The following SPTBN1 variants were observed in gnomAD, a reference collection of about 807,000 sequenced individuals.
The protein encoded by SPTBN1 is spectrin beta chain, non-erythrocytic 1.
In SPTBN1, 32 loss-of-function variants were observed where a neutral mutation model predicts 266.4. The observed-to-expected ratio is 0.12, with a 90% CI of 0.09 to 0.16. SPTBN1 has a LOEUF of 0.16. SPTBN1 is among the 10% of genes least tolerant of loss of function. The probability of loss-of-function intolerance (pLI) is 1.00; values close to 1 mark genes in which losing one functional copy is unlikely to be tolerated. For synonymous variants in SPTBN1, 1,336 were observed against 1,162.2 expected, an observed-to-expected ratio of 1.15 and a Z score of -3.04; for missense variants, 2,296 against 3,067.1, an observed-to-expected ratio of 0.75 and a Z score of 5.94.
At chr2:54,616,780 A>G (rs1165290491) in intron 5 of SPTBN1, among the ~76,000 whole-genome samples, 2 of 152,116 alleles carry the variant, frequency 1.3e-5, no homozygotes, top group East Asian at 3.8e-4. Context: ...GTTGCTTACT[A>G]TTGTTAGGAC....
At chr2:54,574,648 T>C (rs1674334044) in intron 2 of SPTBN1, among the ~76,000 whole-genome samples, 1 of 152,112 alleles carries the variant, frequency 6.6e-6, no homozygotes, top group South Asian at 2.1e-4. Flanking sequence ...GTGTTTAGAA[T>C]GGGTCATGCT....
intron 1 of SPTBN1, among the ~76,000 whole-genome samples, chr2:54,484,855 A>G (rs1278991213): frequency 6.6e-6 from 1 of 152,224 alleles, no homozygotes; most frequent in Non-Finnish European, 1.5e-5. Context: ...CAAAAATGAC[A>G]AGTTTGATAA....
chr2:54,570,939 C>T (rs978917800), intron 2 of SPTBN1, among the ~76,000 whole-genome samples: 1 of 152,076 alleles, frequency 6.6e-6, no homozygotes, highest in South Asian at 2.1e-4. Context: ...AAGTCTAGTG[C>T]AAAGTGTGTT....
intron 2 of SPTBN1, among the ~76,000 whole-genome samples, chr2:54,547,611 T>C (rs1350600279): frequency 6.6e-6 from 1 of 152,236 alleles, no homozygotes; most frequent in Non-Finnish European, 1.5e-5. Context: ...CCATATCCTT[T>C]ACTGAAGCTT....
In SPTBN1 at chr2:54,492,338, G is replaced by GGTTTTT. The variant is rs1558775035; in HGVS notation, c.-47-34034_-47-34033insGTTTTT. ...TTACTGGACATTTAGTTTGTCTGCAGTTGTTTTTTTGTTTTTTTTTTTTTT... is the reference window on the plus strand; with the variant it reads ...TTACTGGACATTTAGTTTGTCTGCAGGTTTTTTTGTTTTTTTGTTTTTTTTTTTTTT... On this transcript the variant is annotated intron_variant, in intron 1 of 35. Transcript: ENST00000356805. Among the ~76,000 whole-genome samples, 22 of 118,112 alleles carry GGTTTTT rather than the reference G, an allele frequency of 1.9e-4. 4 individuals carry two copies. The highest frequency in any genetic ancestry group is 2.4e-4 in the East Asian group (1 of 4,082). 77.5% of individuals were successfully genotyped at this position (118,112 alleles called of 152,430 possible).
chr2:54,518,512 C>A (rs1252118215), intron 1 of SPTBN1, among the ~76,000 whole-genome samples: 1 of 148,694 alleles, frequency 6.7e-6, no homozygotes, highest in South Asian at 2.1e-4. Flanking sequence ...GGCAACTGAA[C>A]AGTTGAGATA....
At chr2:54,612,427 C>G (rs965991744) in intron 4 of SPTBN1, 93 bp downstream of exon 4, 5 of 1,365,646 alleles carry the variant, frequency 3.7e-6, no homozygotes, top group Non-Finnish European at 4.9e-6. Context: ...TCAGAGGGAT[C>G]GGGAAGACCA....
chr2:54,471,800 A>ATTTTTTTTTTTTTTTTTTTT (rs56043354), intron 1 of SPTBN1, among the ~76,000 whole-genome samples: 9 of 102,718 alleles, frequency 8.8e-5, no homozygotes, highest in Non-Finnish European at 1.1e-4. Context: ...TTTTTTATCG[A>ATTTTTTTTTTTTTTTTTTTT]TTTTTTTTTT....
At chr2:54,634,732 T>G (rs1174702085) in intron 17 of SPTBN1, among the ~76,000 whole-genome samples, 2 of 152,208 alleles carry the variant, frequency 1.3e-5, no homozygotes, top group Non-Finnish European at 2.9e-5. Flanking sequence ...GTGAAGCGAT[T>G]CTCCTAGAAT....
intron 2 of SPTBN1, among the ~76,000 whole-genome samples, chr2:54,573,681 A>T (rs1674249557): frequency 1.3e-5 from 2 of 152,316 alleles, no homozygotes; most frequent in South Asian, 4.1e-4. Flanking sequence ...TTGGACTACT[A>T]GGAGACATGG....
At chr2:54,620,427 A>G (rs1010339552) in intron 7 of SPTBN1, among the ~76,000 whole-genome samples, 1 of 152,118 alleles carries the variant, frequency 6.6e-6, no homozygotes, top group East Asian at 1.9e-4. Context: ...AAGGGAAGTC[A>G]TAAGTTAAGG....
At chr2:54,493,135 A>G (rs1027011298) in intron 1 of SPTBN1, among the ~76,000 whole-genome samples, 2 of 148,418 alleles carry the variant, frequency 1.3e-5, no homozygotes, top group East Asian at 4.1e-4. Flanking sequence ...CCTGCTGCGT[A>G]TCTGGGACCA....
In SPTBN1 at chr2:54,462,405, C is replaced by G. The variant is rs193189022; in HGVS notation, c.-48+5887C>G. Among the ~76,000 whole-genome samples the G allele has an allele frequency of 7.3e-3, 1,117 of 152,258 alleles. 14 individuals are homozygous for G. The highest frequency in any genetic ancestry group is 0.03 in the Admixed American group (463 of 15,290). On this transcript the variant is annotated intron_variant, in intron 1 of 35. Coordinates refer to ENST00000356805, the MANE Select transcript of SPTBN1 (RefSeq NM_003128.3). ...CTGAAGAGACCACTTACTAGAAACCCTTATCAGTTTAGGTTCTGGTTCTTG... is the reference window on the plus strand; with the variant it reads ...CTGAAGAGACCACTTACTAGAAACCGTTATCAGTTTAGGTTCTGGTTCTTG...
At chr2:54,606,890 C>A (rs964741390) in intron 3 of SPTBN1, among the ~76,000 whole-genome samples, 1 of 152,214 alleles carries the variant, frequency 6.6e-6, no homozygotes, top group Non-Finnish European at 1.5e-5. Context: ...ACAGCACTTG[C>A]AGAATCAGAG....
chr2:54,527,871 C>T (rs1410450742), intron 2 of SPTBN1: 2 of 152,186 alleles, frequency 1.3e-5, no homozygotes, highest in Non-Finnish European at 2.9e-5. Context: ...AGGATGCACC[C>T]CTTAGAGTGA....
chr2:54,645,386 A>G lies in SPTBN1; in HGVS notation c.4427A>G (p.Glu1476Gly), dbSNP rs966501099. Residue 1476 changes from glutamate (E) to glycine (G), a missense_variant, in exon 21 of 36, where the codon GAG becomes GGG. Around this residue, in one of 12 missense-constraint regions of SPTBN1, gnomAD observed 386 missense variants for 486.1 expected, o/e 0.79. Transcript: ENST00000356805. This position sits in a 1 kb window ranked among gnomAD's most constrained non-coding sequence, Gnocchi z 4.3. ...ATGGAGTTGCTGGAGCCCTTGAACG[A>G]GAGGAAGCATAACCTGCTGGCCTCC... ...KFMELLEPLNERKHNLLASKE... is the reference protein window; with the variant it reads ...KFMELLEPLNGRKHNLLASKE... 6 of 1,614,190 alleles carry G rather than the reference A, an allele frequency of 3.7e-6. No individual in the cohort carries two copies. Among genetic ancestry groups the G allele is most frequent in the Non-Finnish European group, 5.1e-6 (6 of 1,180,034 alleles).
rs1678620173 is a variant in SPTBN1, at chr2:54,629,902, C to G, written c.2680C>G (p.Leu894Val). ...AAATTGCCATTTCAGATTTGAGAGC[C>G]TAGAACCAGAAATGAACAACCAGGC... ...LEVIQHRFES[L>V]EPEMNNQASR... Residue 894 changes from leucine to valine, a missense_variant, in exon 15 of 36, where the codon CTA (leucine) becomes GTA (valine). Leu to Val is a conservative substitution (Grantham distance 32, BLOSUM62 1). Transcript: ENST00000356805. 1 of 1,613,934 alleles carries G rather than the reference C, an allele frequency of 6.2e-7. No homozygotes were observed. The highest frequency in any genetic ancestry group is 8.5e-7 in the Non-Finnish European group (1 of 1,180,044).
At position 54,558,618 on chromosome 2, in the gene SPTBN1, A is replaced by C; in HGVS notation, c.148+32052A>C. On this transcript the variant is annotated intron_variant, in intron 2 of 35. Transcript: ENST00000356805. The surrounding 1 kb of genome is among the most constrained non-coding windows in gnomAD (Gnocchi z 4.6). ...GCGGAGCTAAGGTGGACTCTCTTGCAGCCAACTTCCCATCAGATCACCCTG... is the reference window on the plus strand; with the variant it reads ...GCGGAGCTAAGGTGGACTCTCTTGCCGCCAACTTCCCATCAGATCACCCTG... 6.9e-7 allele frequency: 1 copy of C among 1,441,598 alleles called. No homozygotes were observed. The highest frequency in any genetic ancestry group is 2.7e-5 in the East Asian group (1 of 37,696). 89.3% of individuals were successfully genotyped at this position (1,441,598 alleles called of 1,614,324 possible).
chr2:54,589,095 G>A (rs1675494957), intron 2 of SPTBN1, among the ~76,000 whole-genome samples: 1 of 152,056 alleles, frequency 6.6e-6, no homozygotes, highest in South Asian at 2.1e-4. Context: ...TATACTCTTA[G>A]TTATCTTTAA....
Sources: allele counts gnomAD v4.1 joint callset (sites outside exome capture counted in the v4.1 genomes callset), GRCh38; gene constraint gnomAD v4.1.1; regional missense constraint gnomAD v4.1.1; non-coding constraint Gnocchi (gnomAD v3.1); transcripts MANE v1.5; gene names NCBI Gene and HGNC (gene_info 2026-07-23, HGNC 2026-07-21).